SIL1: variants seen among roughly 807,000 people sequenced by gnomAD.
The protein encoded by SIL1 is SIL1 nucleotide exchange factor.
SIL1 carries 40 observed loss-of-function variants against 49.1 expected under a neutral mutation model. The observed-to-expected ratio is 0.81, with a 90% CI of 0.63 to 1.06. SIL1 has a LOEUF of 1.06. Among genes scored for constraint, SIL1 ranks in the 50% least tolerant of loss-of-function variants. The pLI is 0.00. For missense variants in SIL1, 500 were observed against 572.6 expected, an observed-to-expected ratio of 0.87 and a Z score of 1.29; for synonymous variants, 253 against 250.8, an observed-to-expected ratio of 1.01 and a Z score of -0.08.
Position 139,121,102 on chromosome 5 carries a change from C to G in SIL1, c.177G>C (p.Glu59Asp), listed in dbSNP as rs1330615960. Reference protein sequence around the residue: ...KETERKETKAEEELDAEVLEV... With the variant: ...KETERKETKADEELDAEVLEV... ...CCAGGACTTCGGCATCCAGCTCCTCCTCGGCTTTGGTTTCTTTTCTCTCTG... is the reference window on the plus strand; with the variant it reads ...CCAGGACTTCGGCATCCAGCTCCTCGTCGGCTTTGGTTTCTTTTCTCTCTG... The change falls in exon 3 of 10, where the codon GAG becomes GAC. Residue 59 changes from glutamate (E) to aspartate (D), a missense_variant. Glu to Asp is a conservative substitution (Grantham distance 45). Transcript: ENST00000394817. The G allele has an allele frequency of 6.2e-7, 1 of 1,614,202 alleles. No individual in the cohort carries two copies.
chr5:139,146,179 A>G (rs1366597407), intron 1 of SIL1, among the ~76,000 whole-genome samples: 1 of 152,240 alleles, frequency 6.6e-6, no homozygotes, highest in Non-Finnish European at 1.5e-5. Context: ...TAAAAAATTA[A>G]AAAACAATGT....
chr5:139,001,924 C>G (rs1767992674), intron 7 of SIL1, among the ~76,000 whole-genome samples: 1 of 150,028 alleles, frequency 6.7e-6, no homozygotes, highest in African/African-American at 2.5e-5. Context: ...AGAATAGATA[C>G]AATAGGCCAG....
At position 139,004,877 on chromosome 5, in the gene SIL1, T is replaced by A. The variant is rs114106552; in HGVS notation, c.767+16294A>T. On this transcript the variant is annotated intron_variant, in intron 7 of 9. Transcript: ENST00000394817. ...GCACAGAAAGACAAGTATTGCATCA[T>A]CTTGTGCATACGTGGAATCTAAAAA... is the stretch of plus-strand genomic sequence containing the variant. Among the ~76,000 whole-genome samples, 132 of 152,316 alleles carry A rather than the reference T, an allele frequency of 8.7e-4. 1 individual carries two copies. Among genetic ancestry groups the A allele is most frequent in the African/African-American group, 3.0e-3 (126 of 41,570 alleles).
At chr5:139,064,752 C>A (rs931691718) in intron 3 of SIL1, among the ~76,000 whole-genome samples, 4 of 152,232 alleles carry the variant, frequency 2.6e-5, no homozygotes, top group Admixed American at 2.6e-4. Flanking sequence ...GCAGAGGGCA[C>A]AGACTCAGGA....
At chr5:139,018,200 A>G (rs1768441046) in intron 7 of SIL1, among the ~76,000 whole-genome samples, 1 of 152,206 alleles carries the variant, frequency 6.6e-6, no homozygotes, top group African/African-American at 2.4e-5. Flanking sequence ...TTCATGTTTA[A>G]CACCAGGAAA....
intron 1 of SIL1, among the ~76,000 whole-genome samples, chr5:139,165,585 G>A (rs1397095784): frequency 1.3e-5 from 2 of 151,830 alleles, no homozygotes; most frequent in African/African-American, 4.8e-5. Flanking sequence ...CCTGACCTCA[G>A]GTGATCCGCC....
Position 139,170,479 on chromosome 5 carries a change from C to T in SIL1, c.-11+27790G>A, listed in dbSNP as rs946894025. 6.0e-5 allele frequency among the ~76,000 whole-genome samples: 9 copies of T among 150,410 alleles called. No individual in the cohort carries two copies. In the East Asian group the frequency reaches 1.4e-3, roughly 23 times the overall value. On this transcript the variant is annotated intron_variant, in intron 1 of 9. Coordinates refer to ENST00000394817, the MANE Select transcript of SIL1 (RefSeq NM_022464.5). ...GAAGTGAGGAGCGTCTCTGCCCGGC[C>T]GCCCATCGTCTGAGATGTGGGGAGC...
intron 3 of SIL1, among the ~76,000 whole-genome samples, chr5:139,080,448 T>C (rs1462205383): frequency 6.6e-6 from 1 of 152,206 alleles, no homozygotes; most frequent in East Asian, 1.9e-4. Context: ...AAAGATAGCC[T>C]AAAGGACAGG....
At chr5:138,956,646 G>C (rs1766908705) in intron 7 of SIL1, among the ~76,000 whole-genome samples, 1 of 151,804 alleles carries the variant, frequency 6.6e-6, no homozygotes, top group South Asian at 2.1e-4. Flanking sequence ...GGGAGGCTAA[G>C]GCAGGAGAAT....
At chr5:139,076,678 A>C (rs1769957457) in intron 3 of SIL1, among the ~76,000 whole-genome samples, 1 of 152,192 alleles carries the variant, frequency 6.6e-6, no homozygotes. Flanking sequence ...CTGAGGACAC[A>C]ATGTCAAAAA....
At chr5:138,950,703 G>A (rs1223023025) in intron 9 of SIL1, among the ~76,000 whole-genome samples, 2 of 152,208 alleles carry the variant, frequency 1.3e-5, no homozygotes, top group African/African-American at 4.8e-5. Flanking sequence ...CAAGTGGCAA[G>A]CAATTGGGTC....
chr5:138,978,823 G>A (rs1242629764), intron 7 of SIL1, among the ~76,000 whole-genome samples: 2 of 152,052 alleles, frequency 1.3e-5, no homozygotes, highest in African/African-American at 2.4e-5. Flanking sequence ...ATCTTGTCTG[G>A]ACAGCTGTCC....
At chr5:139,125,546 C>A (rs964245894) in intron 2 of SIL1, among the ~76,000 whole-genome samples, 15 of 152,180 alleles carry the variant, frequency 9.9e-5, no homozygotes, top group African/African-American at 3.6e-4. Flanking sequence ...ATAGAAGCAG[C>A]ATCCCCATAC....
intron 7 of SIL1, among the ~76,000 whole-genome samples, chr5:138,972,049 TC>T (rs1268354789): frequency 7.9e-5 from 12 of 152,022 alleles, no homozygotes; most frequent in Non-Finnish European, 4.4e-5. Flanking sequence ...CTCTGTAGGG[TC>T]CCTGGGGAGA....
intron 7 of SIL1, among the ~76,000 whole-genome samples, chr5:138,982,805 G>T (rs1490558861): frequency 6.6e-6 from 1 of 152,174 alleles, no homozygotes; most frequent in Non-Finnish European, 1.5e-5. Context: ...GGTGGAGGGT[G>T]GCATCAAGCA....
At chr5:138,986,942 C>G (rs1767661089) in intron 7 of SIL1, among the ~76,000 whole-genome samples, 1 of 152,008 alleles carries the variant, frequency 6.6e-6, no homozygotes. Flanking sequence ...TCAGGAGAAT[C>G]AGAAACTCCT....
intron 7 of SIL1, among the ~76,000 whole-genome samples, chr5:138,956,816 C>CA (rs574530863): frequency 1.3e-5 from 2 of 150,820 alleles, no homozygotes; most frequent in African/African-American, 2.4e-5. Context: ...CAACAAAAAA[C>CA]AAAAAACAAA....
chr5:139,062,141 C>T (rs556424378), intron 3 of SIL1, among the ~76,000 whole-genome samples: 2 of 152,232 alleles, frequency 1.3e-5, no homozygotes, highest in African/African-American at 4.8e-5. Context: ...AGGACTTGAA[C>T]GGAACCAGTA....
At chr5:139,097,374 G>A (rs1234919765) in intron 3 of SIL1, among the ~76,000 whole-genome samples, 1 of 152,018 alleles carries the variant, frequency 6.6e-6, no homozygotes, top group Non-Finnish European at 1.5e-5. Flanking sequence ...AATAGCCAGG[G>A]AATGGTTACA....
Sources: gnomAD v4.1 joint callset for allele counts (sites outside exome capture counted in the v4.1 genomes callset) on GRCh38, gnomAD v4.1.1 for gene constraint, MANE v1.5 for transcripts, NCBI Gene and HGNC (gene_info 2026-07-23, HGNC 2026-07-21) for gene names.